Variants in R3HCC1L observed in about 807,000 individuals in gnomAD.
R3HCC1L encodes R3H domain and coiled-coil containing 1 like, also known as coiled-coil domain-containing protein R3HCC1L.
Under a neutral mutation model 59.9 loss-of-function variants are expected in R3HCC1L, and 51 were observed. That is an observed-to-expected ratio of 0.85 (90% CI 0.68 to 1.07). The LOEUF (loss-of-function observed/expected upper bound fraction) is 1.07. Ranked by LOEUF, R3HCC1L falls within the 50% of genes least tolerant of loss-of-function variation. The pLI, the probability that R3HCC1L is intolerant of heterozygous loss-of-function variation, is 0.00. For synonymous variants in R3HCC1L, 322 were observed against 315.2 expected, an observed-to-expected ratio of 1.02 and a Z score of -0.23; for missense variants, 965 against 933.0, an observed-to-expected ratio of 1.03 and a Z score of -0.45.
At chr10:98,236,496 ATTTGCTATGGTTTTAC>A (rs1037487716) in intron 9 of R3HCC1L, among the ~76,000 whole-genome samples, 3 of 152,182 alleles carry the variant, frequency 2.0e-5, no homozygotes, top group African/African-American at 7.2e-5. Context: ...GGGAGAAAAC[ATTTGCTATGGTTTTAC>A]TGGGCCACGA....
chr10:98,183,958 G>GT (rs71007380), intron 4 of R3HCC1L, among the ~76,000 whole-genome samples: 4,694 of 126,502 alleles, frequency 0.037, 277 homozygotes, highest in African/African-American at 0.12. Flanking sequence ...TCCTTTTTCG[G>GT]TTTTTTTTTT....
At chr10:98,222,744 C>T (rs1447610392) in intron 5 of R3HCC1L, among the ~76,000 whole-genome samples, 2 of 151,922 alleles carry the variant, frequency 1.3e-5, no homozygotes, top group Non-Finnish European at 1.5e-5. Context: ...ATTAATGAAT[C>T]CAGGAGCTGG....
chr10:98,138,949 T>G (rs11817641), intron 1 of R3HCC1L, among the ~76,000 whole-genome samples: 5,122 of 152,288 alleles, frequency 0.034, 255 homozygotes, highest in African/African-American at 0.11. Context: ...TGGGGTGGTG[T>G]TGTTATTACT....
At chr10:98,137,751 G>A (rs950557669) in intron 1 of R3HCC1L, among the ~76,000 whole-genome samples, 2 of 152,076 alleles carry the variant, frequency 1.3e-5, no homozygotes, top group Non-Finnish European at 2.9e-5. Context: ...AATTGAACTG[G>A]TGCTTCATTT....
At chr10:98,174,828 GAAAAAAATGTATTTTA>G (rs1848843471) in intron 4 of R3HCC1L, 1 of 929,566 alleles carries the variant, frequency 1.1e-6, no homozygotes, top group East Asian at 1.2e-4. Flanking sequence ...AGAAAGTCTA[GAAAAAAATGTATTTTA>G]GAAAAAATTC....
At chr10:98,148,585 A>G (rs1845873393) in intron 1 of R3HCC1L, among the ~76,000 whole-genome samples, 1 of 152,092 alleles carries the variant, frequency 6.6e-6, no homozygotes, top group Non-Finnish European at 1.5e-5. Flanking sequence ...GAGGGTTTTT[A>G]TCATAAAGGG....
intron 1 of R3HCC1L, among the ~76,000 whole-genome samples, chr10:98,136,399 A>G (rs551544814): frequency 6.6e-6 from 1 of 152,276 alleles, no homozygotes; most frequent in South Asian, 2.1e-4. Context: ...GAGTGTTTCA[A>G]ATTTCAGATT....
chr10:98,192,726 A>T lies in R3HCC1L; in HGVS notation c.-14-15375A>T, dbSNP rs547042599. On this transcript the variant is annotated intron_variant, in intron 4 of 9. Coordinates refer to ENST00000298999, the MANE Select transcript of R3HCC1L (RefSeq NM_001351015.2). Reference sequence around the variant, plus strand: ...CTACCAAACATTTAAAGGAGAATTGATACCAATTCTTCTTAAACTCTTCCA... The same window carrying T: ...CTACCAAACATTTAAAGGAGAATTGTTACCAATTCTTCTTAAACTCTTCCA... 4.6e-5 allele frequency among the ~76,000 whole-genome samples: 7 copies of T among 152,296 alleles called. No individual in the cohort carries two copies. In the East Asian group the frequency reaches 1.3e-3, roughly 29 times the overall value.
intron 4 of R3HCC1L, among the ~76,000 whole-genome samples, chr10:98,173,841 C>T (rs542214557): frequency 6.6e-6 from 1 of 152,130 alleles, no homozygotes; most frequent in Non-Finnish European, 1.5e-5. Context: ...AGATAGCATT[C>T]TAGAACTTGT....
chr10:98,167,155 C>T (rs985268871), intron 4 of R3HCC1L, among the ~76,000 whole-genome samples: 3 of 151,924 alleles, frequency 2.0e-5, no homozygotes, highest in African/African-American at 7.2e-5. Flanking sequence ...CATGTTCGTT[C>T]AGGACATGAT....
intron 1 of R3HCC1L, among the ~76,000 whole-genome samples, chr10:98,149,771 G>GA (rs1223121455): frequency 2.0e-5 from 3 of 152,196 alleles, no homozygotes; most frequent in African/African-American, 7.2e-5. Flanking sequence ...ATGTCTGGAT[G>GA]AAAAGCATGT....
At chr10:98,200,348 A>ATC (rs1448763841) in intron 4 of R3HCC1L, among the ~76,000 whole-genome samples, 1 of 152,112 alleles carries the variant, frequency 6.6e-6, no homozygotes, top group African/African-American at 2.4e-5. Context: ...GTAGAAACAG[A>ATC]TATCAGGGGA....
chr10:98,160,021 C>G (rs1441096810), intron 2 of R3HCC1L, among the ~76,000 whole-genome samples: 1 of 152,220 alleles, frequency 6.6e-6, no homozygotes, highest in Admixed American at 6.5e-5. Context: ...ACCTCAGATT[C>G]TGACCCAACA....
chr10:98,156,337 T>A (rs1042007882), intron 2 of R3HCC1L, among the ~76,000 whole-genome samples, 190 bp downstream of exon 2: 2 of 152,216 alleles, frequency 1.3e-5, no homozygotes, highest in African/African-American at 4.8e-5. Context: ...GCCTTCAGCA[T>A]GCCTGCCCTC....
chr10:98,173,066 G>A (rs1848668851), intron 4 of R3HCC1L, among the ~76,000 whole-genome samples: 1 of 152,080 alleles, frequency 6.6e-6, no homozygotes, highest in South Asian at 2.1e-4. Flanking sequence ...AGATTGTTAG[G>A]TTGCAGAAAT....
intron 1 of R3HCC1L, among the ~76,000 whole-genome samples, chr10:98,136,823 T>G (rs555601320): frequency 1.2e-4 from 19 of 152,162 alleles, no homozygotes; most frequent in African/African-American, 3.4e-4. Context: ...GCCGATAGAT[T>G]GAGACTCTGT....
chr10:98,161,796 C>T (rs117978179), intron 2 of R3HCC1L, among the ~76,000 whole-genome samples: 2,875 of 152,190 alleles, frequency 0.019, 41 homozygotes, highest in Middle Eastern at 0.044. Flanking sequence ...ATTATAGAGG[C>T]TTAATAGTAT....
intron 5 of R3HCC1L, among the ~76,000 whole-genome samples, chr10:98,220,218 T>C (rs1294585551): frequency 2.0e-5 from 3 of 152,066 alleles, no homozygotes; most frequent in Non-Finnish European, 1.5e-5. Flanking sequence ...TTAGTTCTTC[T>C]TTATAAACTC....
intron 5 of R3HCC1L, among the ~76,000 whole-genome samples, chr10:98,230,107 T>A (rs370766255): frequency 1.3e-5 from 2 of 152,156 alleles, no homozygotes; most frequent in Non-Finnish European, 2.9e-5. Context: ...AAATGAGTTA[T>A]GGAGGATTCC....
Sources: allele counts gnomAD v4.1 joint callset (sites outside exome capture counted in the v4.1 genomes callset), GRCh38; gene constraint gnomAD v4.1.1; transcripts MANE v1.5; gene names NCBI Gene and HGNC (gene_info 2026-07-23, HGNC 2026-07-21).